SRGAP1: variants seen among roughly 807,000 people sequenced by gnomAD.
SRGAP1 encodes the protein SLIT-ROBO Rho GTPase-activating protein 1.
In SRGAP1, 43 loss-of-function variants were observed where a neutral mutation model predicts 121.9. The observed-to-expected ratio is 0.35, with a 90% confidence interval of 0.28 to 0.46. The LOEUF (loss-of-function observed/expected upper bound fraction) is 0.46, where lower values mean the gene tolerates loss of function less well. Among genes scored for constraint, SRGAP1 ranks in the 20% least tolerant of loss-of-function variants. The pLI is 1.00. For missense variants in SRGAP1, 1,102 were observed against 1,350.9 expected, an observed-to-expected ratio of 0.82 and a Z score of 2.89; for synonymous variants, 447 against 485.4, an observed-to-expected ratio of 0.92 and a Z score of 1.04.
At chr12:63,987,320 C>G (rs2033444255) in intron 2 of SRGAP1, among the ~76,000 whole-genome samples, 1 of 152,150 alleles carries the variant, frequency 6.6e-6, no homozygotes, top group Admixed American at 6.5e-5. Context: ...GTGGAAAGAC[C>G]AAGGCTTGGT....
At chr12:63,978,710 A>C (rs1565979088) in intron 1 of SRGAP1, among the ~76,000 whole-genome samples, 1 of 152,264 alleles carries the variant, frequency 6.6e-6, no homozygotes, top group East Asian at 1.9e-4. Flanking sequence ...ATTTCTCTGG[A>C]ATGTATACCT....
At chr12:63,939,432 G>A (rs1989584) in intron 1 of SRGAP1, among the ~76,000 whole-genome samples, 5 of 151,880 alleles carry the variant, frequency 3.3e-5, no homozygotes, top group Admixed American at 1.3e-4. Context: ...TCAGAAAGGC[G>A]TAAGGGAACT....
At chr12:64,022,957 C>T (rs2034580668) in intron 4 of SRGAP1, among the ~76,000 whole-genome samples, 1 of 151,888 alleles carries the variant, frequency 6.6e-6, no homozygotes. Context: ...AAAAGTACAG[C>T]TGAGTTGATA....
At chr12:64,087,277 C>T (rs1315022600) in intron 11 of SRGAP1, among the ~76,000 whole-genome samples, 1 of 151,958 alleles carries the variant, frequency 6.6e-6, no homozygotes, top group African/African-American at 2.4e-5. Context: ...TAAGTTAAAC[C>T]GGCTTGGTTT....
chr12:64,112,423 T>C (rs577147466), intron 17 of SRGAP1, among the ~76,000 whole-genome samples: 1 of 152,320 alleles, frequency 6.6e-6, no homozygotes, highest in African/African-American at 2.4e-5. Flanking sequence ...TCATTTTCAC[T>C]CTTCCTAATG....
At chr12:64,114,059 A>G (rs921455797) in intron 17 of SRGAP1, among the ~76,000 whole-genome samples, 6 of 152,158 alleles carry the variant, frequency 3.9e-5, no homozygotes, top group Non-Finnish European at 8.8e-5. Context: ...TAGTATGGTC[A>G]TATGCCTTAA....
In SRGAP1 at chr12:64,134,420, C is replaced by CAA. The variant is rs750862183; in HGVS notation, c.2880+6234_2880+6235dup. Among the ~76,000 whole-genome samples, 30 of 119,456 alleles carry CAA rather than the reference C, an allele frequency of 2.5e-4. No homozygotes were observed. The South Asian group carries it at 2.6e-3, about 10-fold the overall frequency. The allele number at this position is 119,456 out of a possible 152,430, so 78.4% of individuals were successfully genotyped here. A position where few individuals can be genotyped will look rare whatever the true frequency, so the allele number is the denominator to read the frequency against. ...TGAGCGACACAGCAAGACTCCATCT[C>CAA]AAAAAAAAAAAAAAAGATGCAAGTG... On this transcript the variant is annotated intron_variant, in intron 21 of 21. Transcript: ENST00000355086.
At chr12:63,900,529 A>G (rs1200934028) in intron 1 of SRGAP1, among the ~76,000 whole-genome samples, 1 of 151,738 alleles carries the variant, frequency 6.6e-6, no homozygotes, top group Admixed American at 6.6e-5. Flanking sequence ...AATTAAAAAT[A>G]GGGCTGGGTT....
rs528534671 is a variant in SRGAP1, at chr12:64,082,311, A to G, written c.1408+1941A>G. 4.9e-4 allele frequency among the ~76,000 whole-genome samples: 75 copies of G among 152,136 alleles called. 1 individual carries two copies. Among genetic ancestry groups the G allele is most frequent in the South Asian group, 3.7e-3 (18 of 4,812 alleles). ...TGTGTCTCCTAGAGAGAAAGCCCCAATGGTTAATATTCTTCTACATGTCAT... is the reference window on the plus strand; with the variant it reads ...TGTGTCTCCTAGAGAGAAAGCCCCAGTGGTTAATATTCTTCTACATGTCAT... On this transcript the variant is annotated intron_variant, in intron 10 of 21. Coordinates refer to ENST00000355086, the MANE Select transcript of SRGAP1 (RefSeq NM_020762.4).
chr12:63,846,089 T>C (rs1187442228), intron 1 of SRGAP1, among the ~76,000 whole-genome samples: 1 of 152,078 alleles, frequency 6.6e-6, no homozygotes, highest in Non-Finnish European at 1.5e-5. Context: ...GCAAGATAAC[T>C]TAGGTTATCT....
chr12:64,141,545 A>T (rs927171450), intron 21 of SRGAP1, among the ~76,000 whole-genome samples: 2 of 152,028 alleles, frequency 1.3e-5, no homozygotes, highest in Non-Finnish European at 2.9e-5. Context: ...ATGTCACTGC[A>T]CTCCAGCCTG....
intron 1 of SRGAP1, among the ~76,000 whole-genome samples, chr12:63,932,790 G>C (rs1216040519): frequency 1.3e-5 from 2 of 152,176 alleles, no homozygotes; most frequent in Non-Finnish European, 2.9e-5. Flanking sequence ...TGCGTTCTTT[G>C]CCCCTGCTCA....
intron 1 of SRGAP1, among the ~76,000 whole-genome samples, chr12:63,850,397 G>C (rs1283335763): frequency 1.3e-5 from 2 of 150,826 alleles, no homozygotes; most frequent in Non-Finnish European, 1.5e-5. Flanking sequence ...CTTCAAGTCT[G>C]TTCTAGGTTT....
intron 1 of SRGAP1, among the ~76,000 whole-genome samples, chr12:63,924,841 T>A (rs1029312856): frequency 6.6e-6 from 1 of 152,202 alleles, no homozygotes; most frequent in Non-Finnish European, 1.5e-5. Flanking sequence ...CACCTTTAGG[T>A]ACTGTCTCAG....
At chr12:63,980,322 G>C (rs1565979855) in intron 1 of SRGAP1, among the ~76,000 whole-genome samples, 1 of 152,112 alleles carries the variant, frequency 6.6e-6, no homozygotes. Context: ...CCAAAGTGTT[G>C]GGATTACATC....
At chr12:64,096,735 C>CCTG (rs2036161592) in intron 14 of SRGAP1, among the ~76,000 whole-genome samples, 1 of 152,172 alleles carries the variant, frequency 6.6e-6, no homozygotes, top group Admixed American at 6.5e-5. Flanking sequence ...GCTGTGAACA[C>CCTG]CACCATGCCA....
intron 1 of SRGAP1, among the ~76,000 whole-genome samples, chr12:63,868,048 ATATATATATTTTTTTTTTTTTT>A (rs1565927561): frequency 3.8e-5 from 1 of 26,102 alleles, no homozygotes; most frequent in African/African-American, 1.2e-4. Context: ...ATATATATAT[ATATATATATTTTTTTTTTTTTT>A]TTTTTTTTGT....
In SRGAP1 at chr12:63,948,556, C is replaced by T. The variant is rs546515147; in HGVS notation, c.68-35391C>T. 1.6e-4 allele frequency among the ~76,000 whole-genome samples: 25 copies of T among 152,126 alleles called. 1 individual carries two copies. In the South Asian group the frequency reaches 5.2e-3, roughly 32 times the overall value. The stretch of plus-strand genomic sequence containing the variant: ...TCTCCTATGTTTTTGTAACTTAGGA[C>T]ACTTAATGTTATTTTTTCTGCATCT... On this transcript the variant is annotated intron_variant, in intron 1 of 21. Coordinates refer to ENST00000355086, the MANE Select transcript of SRGAP1 (RefSeq NM_020762.4).
intron 1 of SRGAP1, among the ~76,000 whole-genome samples, chr12:63,911,173 C>T (rs1333908663): frequency 1.3e-5 from 2 of 151,576 alleles, no homozygotes; most frequent in Admixed American, 1.3e-4. Flanking sequence ...GTGGCAGGCA[C>T]GTGTAGTCCC....
Sources: allele counts gnomAD v4.1 joint callset (sites outside exome capture counted in the v4.1 genomes callset), GRCh38; gene constraint gnomAD v4.1.1; transcripts MANE v1.5; gene names NCBI Gene and HGNC (gene_info 2026-07-23, HGNC 2026-07-21).